Variants in ADAMTSL1 observed in about 807,000 individuals in gnomAD.
The protein encoded by ADAMTSL1 is ADAMTS like 1, also known as ADAMTS-like protein 1.
In ADAMTSL1, 126 loss-of-function variants were observed where a neutral mutation model predicts 201.8. The observed-to-expected ratio is 0.62, with a 90% CI of 0.54 to 0.72. ADAMTSL1 has a LOEUF of 0.72. Ranked by LOEUF, ADAMTSL1 falls within the 30% of genes least tolerant of loss-of-function variation. The pLI, the probability that ADAMTSL1 is intolerant of heterozygous loss-of-function variation, is 0.00. For synonymous variants in ADAMTSL1, 1,121 were observed against 903.4 expected, an observed-to-expected ratio of 1.24 and a Z score of -4.32; for missense variants, 2,679 against 2,277.8, an observed-to-expected ratio of 1.18 and a Z score of -3.59.
intron 15 of ADAMTSL1, among the ~76,000 whole-genome samples, chr9:18,732,713 C>G (rs569305965): frequency 4.0e-5 from 6 of 151,862 alleles, no homozygotes; most frequent in Non-Finnish European, 7.4e-5. Flanking sequence ...AAAGAAGGAA[C>G]AAAGAGAGTA....
intron 2 of ADAMTSL1, among the ~76,000 whole-genome samples, chr9:18,322,271 C>G (rs897223514): frequency 3.9e-5 from 6 of 152,002 alleles, no homozygotes; most frequent in African/African-American, 9.7e-5. Flanking sequence ...AGAGCTAAAA[C>G]CAATTATATA....
chr9:18,547,353 A>G (rs1820526886), intron 3 of ADAMTSL1, among the ~76,000 whole-genome samples: 1 of 152,208 alleles, frequency 6.6e-6, no homozygotes, highest in Middle Eastern at 3.4e-3. Flanking sequence ...CAGATTAAAT[A>G]TAAAATGATA....
At chr9:18,508,720 C>G (rs1047047017) in intron 2 of ADAMTSL1, among the ~76,000 whole-genome samples, 22 of 152,074 alleles carry the variant, frequency 1.4e-4, no homozygotes, top group Admixed American at 1.3e-4. Context: ...AAATACATAA[C>G]TCTAAGCAGT....
At chr9:17,999,053 C>G (rs551534219) in intron 1 of ADAMTSL1, among the ~76,000 whole-genome samples, 1 of 151,974 alleles carries the variant, frequency 6.6e-6, no homozygotes, top group East Asian at 1.9e-4. Flanking sequence ...TTTTTGTTCC[C>G]TATATAGCCT....
intron 2 of ADAMTSL1, among the ~76,000 whole-genome samples, chr9:18,281,003 G>A (rs952165419): frequency 7.3e-5 from 11 of 151,562 alleles, no homozygotes; most frequent in Admixed American, 1.3e-4. Context: ...AGCCTCCTGA[G>A]TAGCTGGGAC....
At chr9:18,435,103 T>C (rs1028115998) in intron 2 of ADAMTSL1, among the ~76,000 whole-genome samples, 4 of 152,188 alleles carry the variant, frequency 2.6e-5, no homozygotes, top group Admixed American at 6.5e-5. Context: ...CAAAAACCAG[T>C]CTGCTCTAGG....
intron 2 of ADAMTSL1, among the ~76,000 whole-genome samples, chr9:18,370,970 C>T (rs1055879430): frequency 1.3e-5 from 2 of 152,080 alleles, no homozygotes; most frequent in South Asian, 2.1e-4. Flanking sequence ...TGTTACAAGA[C>T]GCTGCCTTGA....
intron 1 of ADAMTSL1, among the ~76,000 whole-genome samples, chr9:18,119,742 C>T (rs1300591800): frequency 6.6e-6 from 1 of 152,062 alleles, no homozygotes; most frequent in African/African-American, 2.4e-5. Flanking sequence ...GGTTGCCAGG[C>T]GTGGAGGTCA....
chr9:18,097,538 G>A (rs927021236), intron 1 of ADAMTSL1, among the ~76,000 whole-genome samples: 5 of 152,128 alleles, frequency 3.3e-5, no homozygotes, highest in African/African-American at 1.2e-4. Flanking sequence ...AACCAGAATT[G>A]TATAAAAGTC....
At chr9:18,769,871 C>T (rs551684669) in intron 16 of ADAMTSL1, among the ~76,000 whole-genome samples, 1 of 152,284 alleles carries the variant, frequency 6.6e-6, no homozygotes, top group African/African-American at 2.4e-5. Flanking sequence ...AAGGAAGGGA[C>T]ATATATTTGA....
intron 2 of ADAMTSL1, among the ~76,000 whole-genome samples, chr9:18,227,789 TA>T (rs1830486965): frequency 6.6e-6 from 1 of 152,166 alleles, no homozygotes; most frequent in Non-Finnish European, 1.5e-5. Context: ...TATTATGTTA[TA>T]ATACATCATA....
intron 2 of ADAMTSL1, among the ~76,000 whole-genome samples, chr9:18,342,711 A>G (rs1003748932): frequency 6.6e-6 from 1 of 152,128 alleles, no homozygotes; most frequent in Non-Finnish European, 1.5e-5. Flanking sequence ...ATATTTAGAA[A>G]AGCTGAGACC....
At chr9:18,164,027 C>A (rs533713040) in intron 2 of ADAMTSL1, 1 of 152,098 alleles carries the variant, frequency 6.6e-6, no homozygotes, top group South Asian at 2.1e-4. Context: ...CACTGAGGTT[C>A]AATGGCTGAT....
At chr9:18,783,256 T>A (rs1307386982) in intron 19 of ADAMTSL1, among the ~76,000 whole-genome samples, 1 of 152,196 alleles carries the variant, frequency 6.6e-6, no homozygotes, top group Non-Finnish European at 1.5e-5. Flanking sequence ...GGACCCCAGT[T>A]TGTATTGAAC....
intron 1 of ADAMTSL1, among the ~76,000 whole-genome samples, chr9:18,130,991 G>T (rs931858023): frequency 6.6e-6 from 1 of 152,110 alleles, no homozygotes; most frequent in Admixed American, 6.5e-5. Flanking sequence ...ATCCTCAAGA[G>T]CATGTTAAGA....
chr9:17,969,384 G>A (rs1344146241), intron 1 of ADAMTSL1, among the ~76,000 whole-genome samples: 1 of 152,034 alleles, frequency 6.6e-6, no homozygotes, highest in East Asian at 1.9e-4. Context: ...TTACAAGGAA[G>A]GAAGCTGAGA....
intron 4 of ADAMTSL1, among the ~76,000 whole-genome samples, chr9:18,605,539 C>T (rs1257426546): frequency 6.6e-6 from 1 of 152,320 alleles, no homozygotes; most frequent in East Asian, 1.9e-4. Context: ...ATGGGTTCTG[C>T]ACTCCACCTT....
intron 23 of ADAMTSL1, among the ~76,000 whole-genome samples, chr9:18,857,636 A>G (rs979726238): frequency 6.6e-6 from 1 of 152,130 alleles, no homozygotes; most frequent in Non-Finnish European, 1.5e-5. Context: ...GTATCTTCTG[A>G]CCTTTTCCAT....
At chr9:18,738,332 T>C (rs1190390494) in intron 15 of ADAMTSL1, among the ~76,000 whole-genome samples, 2 of 152,320 alleles carry the variant, frequency 1.3e-5, no homozygotes, top group South Asian at 2.1e-4. Flanking sequence ...CTTTCAAACA[T>C]GTGCGTAGCC....
Sources: gnomAD v4.1 joint callset for allele counts (sites outside exome capture counted in the v4.1 genomes callset) on GRCh38, gnomAD v4.1.1 for gene constraint, MANE v1.5 for transcripts, NCBI Gene and HGNC (gene_info 2026-07-23, HGNC 2026-07-21) for gene names.